The following DLG2 variants were observed in gnomAD, a reference collection of about 807,000 sequenced individuals.
DLG2 encodes disks large homolog 2.
A neutral mutation model predicts 132.5 loss-of-function variants in DLG2; 45 were observed. The observed-to-expected ratio is 0.34, with a 90% CI of 0.27 to 0.44. DLG2 has a LOEUF of 0.44. Ranked by LOEUF, DLG2 falls within the 20% of genes least tolerant of loss-of-function variation. The pLI is 1.00. For missense variants in DLG2, 1,045 were observed against 1,196.9 expected (o/e 0.87, Z 1.87); for synonymous variants, 424 against 419.6 (o/e 1.01, Z -0.13).
chr11:85,599,127 C>T (rs1047438745), intron 2 of DLG2, among the ~76,000 whole-genome samples: 1 of 152,128 alleles, frequency 6.6e-6, no homozygotes, highest in South Asian at 2.1e-4. Context: ...TATCCAACTT[C>T]CTTAACATGA....
At chr11:85,147,634 T>C (rs372494512) in intron 5 of DLG2, among the ~76,000 whole-genome samples, 1 of 152,348 alleles carries the variant, frequency 6.6e-6, no homozygotes, top group Admixed American at 6.5e-5. Context: ...TCATAACCAA[T>C]GAATTAAGTA....
At chr11:85,040,357 G>A (rs2061755468) in intron 6 of DLG2, among the ~76,000 whole-genome samples, 1 of 151,890 alleles carries the variant, frequency 6.6e-6, no homozygotes, top group Non-Finnish European at 1.5e-5. Context: ...ACCGTGTAAT[G>A]TTATGTTATG....
rs1447382079 is a variant in DLG2, at chr11:85,410,515, GC to G, written c.41-125151del. Among the ~76,000 whole-genome samples the G allele has an allele frequency of 2.0e-5, 3 of 151,742 alleles. No homozygotes were observed. In the East Asian group the frequency reaches 5.8e-4, roughly 29 times the overall value. Reference sequence around the variant, plus strand: ...ATAATTAAACACTTCACTACAATCTGCCCCAAAATTGTAATGAATGTACAAA... The same window carrying G: ...ATAATTAAACACTTCACTACAATCTGCCCAAAATTGTAATGAATGTACAAA... On this transcript the variant is annotated intron_variant, in intron 3 of 27. Transcript: ENST00000376104.
At chr11:84,593,198 C>T (rs1227821265) in intron 6 of DLG2, among the ~76,000 whole-genome samples, 1 of 151,470 alleles carries the variant, frequency 6.6e-6, no homozygotes, top group South Asian at 2.1e-4. Flanking sequence ...CTGTTGGTGG[C>T]AGTGTAAATT....
chr11:85,530,573 G>A (rs547588591), intron 3 of DLG2, among the ~76,000 whole-genome samples: 68 of 151,786 alleles, frequency 4.5e-4, no homozygotes, highest in African/African-American at 1.2e-3. Flanking sequence ...TGCCCACCTC[G>A]GCCTCCCAAA....
intron 8 of DLG2, among the ~76,000 whole-genome samples, chr11:84,182,459 G>A (rs978516425): frequency 4.6e-5 from 7 of 151,756 alleles, no homozygotes; most frequent in South Asian, 2.1e-4. Flanking sequence ...TGCCCAGGAG[G>A]TTGAGGCTAC....
At chr11:84,343,270 T>A (rs966065225) in intron 7 of DLG2, among the ~76,000 whole-genome samples, 7 of 152,128 alleles carry the variant, frequency 4.6e-5, no homozygotes, top group African/African-American at 1.7e-4. Flanking sequence ...AGGGCCAACA[T>A]GTAAAGGTTT....
intron 8 of DLG2, among the ~76,000 whole-genome samples, chr11:84,218,952 A>G (rs1181034617): frequency 6.6e-6 from 1 of 152,202 alleles, no homozygotes; most frequent in Non-Finnish European, 1.5e-5. Flanking sequence ...CTATTGTATT[A>G]AGGCACTGAA....
intron 4 of DLG2, among the ~76,000 whole-genome samples, chr11:85,203,284 G>A (rs901891001): frequency 6.6e-6 from 1 of 151,414 alleles, no homozygotes; most frequent in Non-Finnish European, 1.5e-5. Context: ...CAAACCTGTA[G>A]CTAGATTAAG....
At chr11:84,647,251 G>A (rs1414806437) in intron 6 of DLG2, among the ~76,000 whole-genome samples, 1 of 152,244 alleles carries the variant, frequency 6.6e-6, no homozygotes, top group East Asian at 1.9e-4. Context: ...CAGTGGGAGA[G>A]AAGGTTTTGC....
intron 11 of DLG2, among the ~76,000 whole-genome samples, chr11:84,044,209 A>G (rs1474349844): frequency 6.6e-6 from 1 of 151,770 alleles, no homozygotes; most frequent in African/African-American, 2.4e-5. Context: ...GGTTTCTTAA[A>G]AGGACTAAAA....
At chr11:85,235,430 T>C (rs541909052) in intron 4 of DLG2, among the ~76,000 whole-genome samples, 39 of 152,136 alleles carry the variant, frequency 2.6e-4, no homozygotes, top group Non-Finnish European at 4.4e-4. Flanking sequence ...CATTTCCTCA[T>C]TCAACAACTC....
intron 6 of DLG2, among the ~76,000 whole-genome samples, chr11:84,851,723 A>G (rs561492187): frequency 2.6e-5 from 4 of 152,120 alleles, no homozygotes; most frequent in East Asian, 3.9e-4. Flanking sequence ...ATACACACAC[A>G]TATATATTTT....
intron 18 of DLG2, among the ~76,000 whole-genome samples, chr11:83,784,106 T>C (rs1000150485): frequency 6.6e-6 from 1 of 152,208 alleles, no homozygotes; most frequent in African/African-American, 2.4e-5. Flanking sequence ...GTCTAATTCT[T>C]GACCATACTA....
At chr11:84,573,146 G>T (rs1200696832) in intron 6 of DLG2, among the ~76,000 whole-genome samples, 1 of 152,166 alleles carries the variant, frequency 6.6e-6, no homozygotes, top group Non-Finnish European at 1.5e-5. Flanking sequence ...AATGCCTGCA[G>T]TCTAACCTCT....
chr11:84,675,907 G>A (rs2153699409), intron 6 of DLG2, among the ~76,000 whole-genome samples: 1 of 152,122 alleles, frequency 6.6e-6, no homozygotes, highest in East Asian at 1.9e-4. Flanking sequence ...AAATCAGTAG[G>A]AGGTAGTTTC....
At chr11:83,786,497 A>G in intron 18 of DLG2, 193 bp downstream of exon 18, 1 of 545,306 alleles carries the variant, frequency 1.8e-6, no homozygotes, top group East Asian at 2.9e-5. Flanking sequence ...TAACTGCTTG[A>G]TATTTTCCTG....
chr11:84,571,327 C>A (rs1385788351), intron 6 of DLG2, among the ~76,000 whole-genome samples: 1 of 151,490 alleles, frequency 6.6e-6, no homozygotes, highest in African/African-American at 2.4e-5. Flanking sequence ...TCTCCTTTCA[C>A]TTCTCTTTCT....
intron 17 of DLG2, among the ~76,000 whole-genome samples, chr11:83,829,015 G>C (rs993850840): frequency 6.6e-6 from 1 of 152,026 alleles, no homozygotes; most frequent in African/African-American, 2.4e-5. Context: ...TCATTAGAAA[G>C]GTTATTGTCT....
Sources: allele counts gnomAD v4.1 joint callset (sites outside exome capture counted in the v4.1 genomes callset), GRCh38; gene constraint gnomAD v4.1.1; transcripts MANE v1.5; gene names NCBI Gene and HGNC (gene_info 2026-07-23, HGNC 2026-07-21).